MEF2C: variants seen among roughly 807,000 people sequenced by gnomAD.
The protein encoded by MEF2C is myocyte enhancer factor 2C, also known as myocyte-specific enhancer factor 2C.
Under a neutral mutation model 50.5 loss-of-function variants are expected in MEF2C, and 6 were observed. The ratio of observed to expected loss-of-function variants is 0.12; its 90% CI spans 0.07 to 0.23. The LOEUF is 0.23. Ranked by LOEUF, MEF2C falls within the 10% of genes least tolerant of loss-of-function variation. The pLI is 1.00. For synonymous variants in MEF2C, 183 were observed against 228.0 expected (o/e 0.80, Z 1.78); for missense variants, 276 against 605.0 (o/e 0.46, Z 5.70).
At chr5:88,741,744 G>T in intron 6 of MEF2C, 4 of 984,678 alleles carry the variant, frequency 4.1e-6, no homozygotes, top group African/African-American at 1.7e-5. Flanking sequence ...AACTGGAGGT[G>T]GTGGGTGGAC....
intron 3 of MEF2C, among the ~76,000 whole-genome samples, chr5:88,765,907 C>T (rs931120144): frequency 6.6e-6 from 1 of 152,194 alleles, no homozygotes. Context: ...CAGCTTTCCA[C>T]GTCAGAGTGA....
At chr5:88,879,818 T>A (rs1326305698) in intron 1 of MEF2C, among the ~76,000 whole-genome samples, 2 of 152,074 alleles carry the variant, frequency 1.3e-5, no homozygotes, top group Non-Finnish European at 2.9e-5. Context: ...AGCAACAGGG[T>A]CAAAGTATGC....
intron 1 of MEF2C, among the ~76,000 whole-genome samples, chr5:88,902,511 C>A (rs1293731481): frequency 1.3e-5 from 2 of 149,426 alleles, no homozygotes; most frequent in African/African-American, 2.4e-5. Flanking sequence ...TTTTTTAAAC[C>A]ACAAATGTTT....
intron 1 of MEF2C, among the ~76,000 whole-genome samples, chr5:88,903,406 C>T (rs10038371): frequency 0.52 from 79,114 of 151,464 alleles, 20,768 homozygotes; most frequent in Admixed American, 0.55. Flanking sequence ...GCAATGTATG[C>T]TTTAAAAATG....
In MEF2C at chr5:88,804,438, G is replaced by A. The variant is rs1166920707; in HGVS notation, c.258+160C>T. 8 of 618,002 alleles carry A rather than the reference G, an allele frequency of 1.3e-5. No homozygotes were observed. The African/African-American group carries it at 1.5e-4, about 11-fold the overall frequency. The allele number at this position is 618,002 out of a possible 1,614,324, so 38.3% of individuals were successfully genotyped here. ...TCTAACTTTTGAAGGGGAGAGAAAA[G>A]GTGGAGTAAGAGTTGCGATAGATAA... On this transcript the variant is annotated intron_variant, in intron 3 of 10. Transcript: ENST00000504921.
At chr5:88,736,871 C>T (rs527469705) in intron 6 of MEF2C, 637 of 985,268 alleles carry the variant, frequency 6.5e-4, no homozygotes, top group Non-Finnish European at 7.4e-4. Context: ...TCTAGCAGTT[C>T]AATAACTGGC....
intron 2 of MEF2C, among the ~76,000 whole-genome samples, chr5:88,813,259 G>A (rs1275577055): frequency 1.3e-5 from 2 of 152,026 alleles, no homozygotes; most frequent in Non-Finnish European, 2.9e-5. Context: ...TTGGTTGGTA[G>A]TAAATACAGG....
At chr5:88,823,177 A>C (rs1432933951) in intron 2 of MEF2C, among the ~76,000 whole-genome samples, 1 of 151,988 alleles carries the variant, frequency 6.6e-6, no homozygotes, top group Non-Finnish European at 1.5e-5. Flanking sequence ...AATGGTATGA[A>C]TTAACCGATA....
chr5:88,778,797 A>G (rs919180072), intron 3 of MEF2C, among the ~76,000 whole-genome samples: 1 of 152,248 alleles, frequency 6.6e-6, no homozygotes, highest in African/African-American at 2.4e-5. Context: ...AATTTCCCAA[A>G]GTACCAAGGA....
At chr5:88,761,397 A>T in intron 3 of MEF2C, 69 bp from the exon 4 acceptor site, 1 of 1,524,412 alleles carries the variant, frequency 6.6e-7, no homozygotes, top group Non-Finnish European at 8.8e-7. Flanking sequence ...GGCATTAAAG[A>T]AGTTCAAGCT....
chr5:88,888,506 T>G (rs1207867832), intron 1 of MEF2C, among the ~76,000 whole-genome samples: 1 of 152,182 alleles, frequency 6.6e-6, no homozygotes, highest in Non-Finnish European at 1.5e-5. Context: ...TTTATGGGTG[T>G]TAGTTGAGTT....
chr5:88,797,650 G>A (rs1796599927), intron 3 of MEF2C, among the ~76,000 whole-genome samples: 1 of 151,798 alleles, frequency 6.6e-6, no homozygotes, highest in Non-Finnish European at 1.5e-5. Context: ...TTACATTTAA[G>A]GTTAATATTG....
chr5:88,786,279 A>G (rs1790853636), intron 3 of MEF2C, among the ~76,000 whole-genome samples: 2 of 152,206 alleles, frequency 1.3e-5, no homozygotes, highest in Non-Finnish European at 2.9e-5. Flanking sequence ...CCTCTGGCAA[A>G]CAGACCAAAA....
chr5:88,896,914 C>T (rs1169300299), intron 1 of MEF2C, among the ~76,000 whole-genome samples: 1 of 150,484 alleles, frequency 6.6e-6, no homozygotes, highest in East Asian at 1.9e-4. Flanking sequence ...GTTGTAAATT[C>T]TTTAGTATCA....
chr5:88,743,910 A>G, intron 6 of MEF2C: 1 of 907,002 alleles, frequency 1.1e-6, no homozygotes. Flanking sequence ...ATAAATGCCA[A>G]TTAAAATTAT....
chr5:88,834,144 G>C (rs1814117890), intron 1 of MEF2C, among the ~76,000 whole-genome samples: 2 of 152,126 alleles, frequency 1.3e-5, no homozygotes, highest in Admixed American at 1.3e-4. Context: ...CTCTCAGGGT[G>C]GTGGGCAGGC....
chr5:88,771,315 T>C (rs767020304), intron 3 of MEF2C: 5 of 536,818 alleles, frequency 9.3e-6, no homozygotes, highest in Non-Finnish European at 1.2e-5. Context: ...ACTGCTTTGA[T>C]ATACGCCATT....
intron 1 of MEF2C, among the ~76,000 whole-genome samples, chr5:88,893,459 G>A (rs1834808914): frequency 1.3e-5 from 2 of 151,884 alleles, no homozygotes; most frequent in African/African-American, 4.8e-5. Context: ...CTGACCTGAG[G>A]TAATCCGCCC....
In MEF2C at chr5:88,853,664, T is replaced by C. The variant is rs575739640; in HGVS notation, c.-143+29291A>G. On this transcript the variant is annotated intron_variant, in intron 1 of 10. Transcript: ENST00000504921. ...ATCATCATCTGATATTAAACAGCAA[T>C]GGAAAATATAAAGGCATGATTTAGC... is the stretch of plus-strand genomic sequence containing the variant. Among the ~76,000 whole-genome samples, 7 of 152,262 alleles carry C rather than the reference T, an allele frequency of 4.6e-5. No homozygotes were observed. In the East Asian group the frequency reaches 1.4e-3, roughly 29 times the overall value.
Sources: gnomAD v4.1 joint callset for allele counts (sites outside exome capture counted in the v4.1 genomes callset) on GRCh38, gnomAD v4.1.1 for gene constraint, MANE v1.5 for transcripts, NCBI Gene and HGNC (gene_info 2026-07-23, HGNC 2026-07-21) for gene names.